The following CNTNAP2 variants were observed in gnomAD, a reference collection of about 807,000 sequenced individuals.
CNTNAP2 encodes contactin associated protein 2.
A neutral mutation model predicts 155.2 loss-of-function variants in CNTNAP2; 98 were observed. That is an observed-to-expected ratio of 0.63 (90% confidence interval 0.54 to 0.75). CNTNAP2 has a LOEUF of 0.75. Ranked by LOEUF, CNTNAP2 falls within the 30% of genes least tolerant of loss-of-function variation. CNTNAP2 has a pLI of 0.00. For missense variants in CNTNAP2, 1,727 were observed against 1,688.1 expected, an observed-to-expected ratio of 1.02 and a Z score of -0.40; for synonymous variants, 651 against 631.2, an observed-to-expected ratio of 1.03 and a Z score of -0.47.
chr7:147,500,582 A>G (rs1798792095), intron 11 of CNTNAP2, among the ~76,000 whole-genome samples: 1 of 152,134 alleles, frequency 6.6e-6, no homozygotes, highest in Non-Finnish European at 1.5e-5. Context: ...TATTAAATAC[A>G]ATTTGGGGCA....
At chr7:146,192,568 C>T (rs1460243960) in intron 1 of CNTNAP2, among the ~76,000 whole-genome samples, 1 of 152,092 alleles carries the variant, frequency 6.6e-6, no homozygotes, top group African/African-American at 2.4e-5. Context: ...TCTCATGCGA[C>T]ATATTCACTA....
At chr7:146,969,027 T>C (rs1267510507) in intron 3 of CNTNAP2, among the ~76,000 whole-genome samples, 1 of 150,162 alleles carries the variant, frequency 6.7e-6, no homozygotes, top group African/African-American at 2.5e-5. Context: ...TTCTCGTTGG[T>C]TTCAAAGAAC....
intron 17 of CNTNAP2, among the ~76,000 whole-genome samples, chr7:148,158,990 A>T (rs764203816): frequency 3.3e-4 from 51 of 152,322 alleles, no homozygotes; most frequent in Non-Finnish European, 5.9e-4. Flanking sequence ...GCAGCCCCAT[A>T]GTTCCTCCCA....
rs187478337 is a variant in CNTNAP2 at position 147,518,806 on chromosome 7, G to A, written c.1777+32765G>A. Among the ~76,000 whole-genome samples, 74 of 152,136 alleles carry A rather than the reference G, an allele frequency of 4.9e-4. 1 individual carries two copies. The East Asian group carries it at 0.011, about 23-fold the overall frequency. On this transcript the variant is annotated intron_variant, in intron 11 of 23. Transcript: ENST00000361727. ...AGCACTTTGGGAGGGCAAGGCGGGCGGATCACCTGAGGTCAGGAGTTCTAG... is the reference window on the plus strand; with the variant it reads ...AGCACTTTGGGAGGGCAAGGCGGGCAGATCACCTGAGGTCAGGAGTTCTAG...
chr7:146,593,069 C>T (rs1312135765), intron 1 of CNTNAP2, among the ~76,000 whole-genome samples: 2 of 152,028 alleles, frequency 1.3e-5, no homozygotes, highest in Non-Finnish European at 2.9e-5. Context: ...CAGACCAAGA[C>T]TGCTCCCTTC....
chr7:147,400,085 A>G (rs919013971), intron 10 of CNTNAP2, among the ~76,000 whole-genome samples: 1 of 152,076 alleles, frequency 6.6e-6, no homozygotes, highest in Non-Finnish European at 1.5e-5. Context: ...GCCTGACTCA[A>G]CTCTTATTCT....
intron 1 of CNTNAP2, among the ~76,000 whole-genome samples, chr7:146,712,502 TC>T (rs1801114750): frequency 1.3e-5 from 2 of 150,424 alleles, no homozygotes; most frequent in South Asian, 2.1e-4. Context: ...TTTTTTTTTT[TC>T]CCTAAAGCAG....
chr7:147,408,650 C>T (rs577890759), intron 10 of CNTNAP2, among the ~76,000 whole-genome samples: 66 of 152,124 alleles, frequency 4.3e-4, no homozygotes, highest in Admixed American at 2.7e-3. Context: ...CCCAGCTACT[C>T]GGGAGGCTGA....
chr7:147,494,979 C>T (rs1798677519), intron 11 of CNTNAP2, among the ~76,000 whole-genome samples: 1 of 152,066 alleles, frequency 6.6e-6, no homozygotes, highest in Non-Finnish European at 1.5e-5. Flanking sequence ...TCAACTCATT[C>T]AACAATATTA....
intron 10 of CNTNAP2, among the ~76,000 whole-genome samples, chr7:147,435,452 A>T (rs185832089): frequency 6.6e-6 from 1 of 152,306 alleles, no homozygotes; most frequent in Non-Finnish European, 1.5e-5. Context: ...CACTTGGAGA[A>T]TCACTGCCTT....
At chr7:147,223,508 A>G (rs1187940363) in intron 8 of CNTNAP2, among the ~76,000 whole-genome samples, 1 of 152,178 alleles carries the variant, frequency 6.6e-6, no homozygotes, top group African/African-American at 2.4e-5. Flanking sequence ...CCTCGGCTTT[A>G]TACCCTGAGG....
rs1802351607 is a variant in CNTNAP2, at chr7:148,025,016, TC to T, written c.2383+47030del. Among the ~76,000 whole-genome samples, 3 of 152,274 alleles carry T rather than the reference TC, an allele frequency of 2.0e-5. No homozygotes were observed. The South Asian group carries it at 6.2e-4, about 32-fold the overall frequency. On this transcript the variant is annotated intron_variant, in intron 15 of 23. Transcript: ENST00000361727. ...TTAGCTTTAAAACAAAAATGATACA[TC>T]CCTTCCTGAAACTAACCCCTCCTTG...
intron 21 of CNTNAP2, among the ~76,000 whole-genome samples, chr7:148,365,298 C>G (rs1015933083): frequency 2.0e-5 from 3 of 152,172 alleles, no homozygotes; most frequent in Non-Finnish European, 4.4e-5. Flanking sequence ...TATTGCTCAA[C>G]TAGTTTTTGA....
chr7:147,232,245 T>C (rs2116619782), intron 8 of CNTNAP2, among the ~76,000 whole-genome samples: 2 of 152,312 alleles, frequency 1.3e-5, no homozygotes, highest in South Asian at 2.1e-4. Flanking sequence ...TAAATGTACA[T>C]ATAAACCACA....
At chr7:147,474,857 G>T (rs1798287449) in intron 10 of CNTNAP2, among the ~76,000 whole-genome samples, 1 of 152,164 alleles carries the variant, frequency 6.6e-6, no homozygotes, top group Non-Finnish European at 1.5e-5. Context: ...TGAGGGCAGG[G>T]AGGGGAAAGC....
At chr7:146,582,405 C>A (rs982899473) in intron 1 of CNTNAP2, among the ~76,000 whole-genome samples, 1 of 152,114 alleles carries the variant, frequency 6.6e-6, no homozygotes, top group African/African-American at 2.4e-5. Flanking sequence ...TCACTTTGGG[C>A]AGCCTTAGAA....
chr7:146,703,378 ATATTTT>A (rs2129173761), intron 1 of CNTNAP2, among the ~76,000 whole-genome samples: 1 of 152,280 alleles, frequency 6.6e-6, no homozygotes, highest in East Asian at 1.9e-4. Flanking sequence ...ACTGTGGAAA[ATATTTT>A]TAGAGATAAA....
chr7:147,072,848 C>CTTT (rs71165064), intron 4 of CNTNAP2, among the ~76,000 whole-genome samples: 4 of 93,634 alleles, frequency 4.3e-5, no homozygotes, highest in African/African-American at 9.4e-5. Flanking sequence ...TTCCTTTATT[C>CTTT]TTTTTTTTTT....
intron 1 of CNTNAP2, among the ~76,000 whole-genome samples, chr7:146,448,629 T>A (rs1044833570): frequency 6.6e-6 from 1 of 152,072 alleles, no homozygotes; most frequent in Non-Finnish European, 1.5e-5. Flanking sequence ...TTTGCAAAGT[T>A]AGTGCAGAGA....
Sources: gnomAD v4.1 joint callset for allele counts (sites outside exome capture counted in the v4.1 genomes callset) on GRCh38, gnomAD v4.1.1 for gene constraint, MANE v1.5 for transcripts, NCBI Gene and HGNC (gene_info 2026-07-23, HGNC 2026-07-21) for gene names.